The following SLC24A2 variants were observed in gnomAD, a reference collection of about 807,000 sequenced individuals.
The protein encoded by SLC24A2 is solute carrier family 24 member 2, also known as sodium/potassium/calcium exchanger 2.
Under a neutral mutation model 62.0 loss-of-function variants are expected in SLC24A2, and 36 were observed. The observed-to-expected ratio is 0.58, with a 90% CI of 0.44 to 0.77. The LOEUF is 0.77. Ranked by LOEUF, SLC24A2 falls within the 30% of genes least tolerant of loss-of-function variation. The probability of loss-of-function intolerance (pLI) is 0.00; values close to 1 mark genes in which losing one functional copy is unlikely to be tolerated. For missense variants in SLC24A2, 846 were observed against 817.9 expected, an observed-to-expected ratio of 1.03 and a Z score of -0.42; for synonymous variants, 358 against 294.0, an observed-to-expected ratio of 1.22 and a Z score of -2.23.
the SLC24A2 span, among the ~76,000 whole-genome samples, chr9:19,871,645 A>C: frequency 1.3e-5 from 2 of 152,296 alleles, no homozygotes; most frequent in South Asian, 4.1e-4. Flanking sequence ...AATATACAAG[A>C]TTAGTTGTTA....
chr9:20,142,013 GC>G, the SLC24A2 span, among the ~76,000 whole-genome samples: 1 of 152,116 alleles, frequency 6.6e-6, no homozygotes, highest in African/African-American at 2.4e-5. Flanking sequence ...AACCTGGGAG[GC>G]AGAGGTTGCA....
chr9:19,895,975 T>C, the SLC24A2 span: 5 of 1,604,886 alleles, frequency 3.1e-6, no homozygotes, highest in Non-Finnish European at 4.3e-6. Flanking sequence ...CATGTAACTC[T>C]GCTCAGGGAC....
At chr9:20,205,522 G>T in the SLC24A2 span, among the ~76,000 whole-genome samples, 4 of 151,682 alleles carry the variant, frequency 2.6e-5, no homozygotes, top group Admixed American at 2.0e-4. Context: ...GTGGTGGCAG[G>T]CTCCTGTAGT....
At chr9:19,732,037 G>C (rs1316915427) in intron 2 of SLC24A2, among the ~76,000 whole-genome samples, 2 of 152,180 alleles carry the variant, frequency 1.3e-5, no homozygotes, top group Non-Finnish European at 2.9e-5. Context: ...CACATGGCAG[G>C]TGCTCAAAAA....
Position 19,511,046 on chromosome 9 carries a change from G to A in SLC24A2, c.*5107C>T, listed in dbSNP as rs1359687462. 6.6e-6 allele frequency: 1 copy of A among 152,162 alleles called. No individual in the cohort carries two copies. The highest frequency in any genetic ancestry group is 2.4e-5 in the African/African-American group (1 of 41,418). 9.4% of individuals were successfully genotyped at this position (152,162 alleles called of 1,614,324 possible). ...ACATTAGCTGGGGGGAGTCATTGTG[G>A]AAAACAGATTCCTTCCAGAGCAAAC... On this transcript the variant is annotated 3_prime_UTR_variant, in exon 11 of 11. Coordinates refer to ENST00000341998, the MANE Select transcript of SLC24A2 (RefSeq NM_020344.4).
the SLC24A2 span, among the ~76,000 whole-genome samples, chr9:20,175,251 G>A: frequency 6.6e-6 from 1 of 151,816 alleles, no homozygotes; most frequent in Non-Finnish European, 1.5e-5. Flanking sequence ...TGGGAAGGCG[G>A]TAGGGATAAA....
the SLC24A2 span, among the ~76,000 whole-genome samples, chr9:19,941,948 C>T: frequency 6.6e-6 from 1 of 151,992 alleles, no homozygotes; most frequent in Non-Finnish European, 1.5e-5. Flanking sequence ...ATAAGGATTT[C>T]CCTCAAAAGA....
the SLC24A2 span, among the ~76,000 whole-genome samples, chr9:20,214,000 T>G: frequency 6.6e-6 from 1 of 152,228 alleles, no homozygotes; most frequent in Non-Finnish European, 1.5e-5. Context: ...CTTGTCATAA[T>G]GTCTTCAATG....
At chr9:20,038,501 C>A in the SLC24A2 span, among the ~76,000 whole-genome samples, 9 of 152,140 alleles carry the variant, frequency 5.9e-5, no homozygotes, top group Non-Finnish European at 1.2e-4. Context: ...TGCAGGTGAC[C>A]CTACGAATAA....
At chr9:19,981,726 T>C in the SLC24A2 span, among the ~76,000 whole-genome samples, 1 of 152,210 alleles carries the variant, frequency 6.6e-6, no homozygotes, top group Non-Finnish European at 1.5e-5. Flanking sequence ...TGTGTGTTTG[T>C]TCTGGTGCCC....
the SLC24A2 span, among the ~76,000 whole-genome samples, chr9:20,281,417 G>A: frequency 6.6e-6 from 1 of 151,998 alleles, no homozygotes; most frequent in Non-Finnish European, 1.5e-5. Flanking sequence ...CATGTAACCA[G>A]CACCCAGATC....
chr9:19,928,136 G>C, the SLC24A2 span: 1 of 152,378 alleles, frequency 6.6e-6, no homozygotes, highest in African/African-American at 2.4e-5. Flanking sequence ...TTTGTTGGAA[G>C]ACTCTCAGAG....
chr9:19,545,335 T>C (rs1834498117), intron 8 of SLC24A2, among the ~76,000 whole-genome samples: 1 of 152,154 alleles, frequency 6.6e-6, no homozygotes, highest in African/African-American at 2.4e-5. Flanking sequence ...GCGTAACCTT[T>C]TTTCAAGGTT....
At chr9:20,015,730 G>A in the SLC24A2 span, among the ~76,000 whole-genome samples, 1 of 152,206 alleles carries the variant, frequency 6.6e-6, no homozygotes, top group African/African-American at 2.4e-5. Context: ...GAAATGGGTG[G>A]TGGATAATGA....
the SLC24A2 span, among the ~76,000 whole-genome samples, chr9:20,100,662 T>G: frequency 6.6e-6 from 1 of 152,222 alleles, no homozygotes; most frequent in Non-Finnish European, 1.5e-5. Flanking sequence ...CATTAATAAA[T>G]TTTGAATATT....
chr9:20,160,677 A>T, the SLC24A2 span, among the ~76,000 whole-genome samples: 1 of 151,338 alleles, frequency 6.6e-6, no homozygotes, highest in Non-Finnish European at 1.5e-5. Flanking sequence ...GAGCGAAAGG[A>T]AAAATCAGAA....
chr9:19,590,170 TAAC>T lies in SLC24A2; in HGVS notation c.1129+7056_1129+7058del, dbSNP rs1563985163. Among the ~76,000 whole-genome samples the T allele has an allele frequency of 7.4e-3, 4 of 540 alleles. No individual in the cohort carries two copies. In the East Asian group the frequency reaches 0.21, roughly 29 times the overall value. 0.4% of individuals were successfully genotyped at this position (540 alleles called of 152,430 possible). A position where few individuals can be genotyped will look rare whatever the true frequency, so the allele number is the denominator to read the frequency against. On this transcript the variant is annotated intron_variant, in intron 5 of 10. Coordinates refer to ENST00000341998, the MANE Select transcript of SLC24A2 (RefSeq NM_020344.4). Reference sequence around the variant, plus strand: ...TGAAGAAAGAGGCTGTGGTAACAACTAACTTCTAAAACATTTTCAAATTGTTTC... The same window carrying T: ...TGAAGAAAGAGGCTGTGGTAACAACTTTCTAAAACATTTTCAAATTGTTTC...
the SLC24A2 span, among the ~76,000 whole-genome samples, chr9:20,175,099 T>C: frequency 4.6e-5 from 7 of 151,748 alleles, no homozygotes; most frequent in Non-Finnish European, 7.4e-5. Context: ...CTGGATGATA[T>C]TGGAGACTAT....
At chr9:19,658,933 A>G (rs1237809401) in intron 2 of SLC24A2, among the ~76,000 whole-genome samples, 1 of 152,216 alleles carries the variant, frequency 6.6e-6, no homozygotes, top group Non-Finnish European at 1.5e-5. Context: ...CAACGAACGT[A>G]CACAAGTGCT....
Sources: gnomAD v4.1 joint callset for allele counts (sites outside exome capture counted in the v4.1 genomes callset) on GRCh38, gnomAD v4.1.1 for gene constraint, MANE v1.5 for transcripts, NCBI Gene and HGNC (gene_info 2026-07-23, HGNC 2026-07-21) for gene names.